IGFL2: variants seen among roughly 807,000 people sequenced by gnomAD.
IGFL2 encodes the protein IGF like family member 2.
IGFL2 carries 7 observed loss-of-function variants against 13.9 expected under a neutral mutation model. The ratio of observed to expected loss-of-function variants is 0.51; its 90% confidence interval spans 0.29 to 0.95. The LOEUF is 0.95. Ranked by LOEUF, IGFL2 falls within the 40% of genes least tolerant of loss-of-function variation. The pLI, the probability that IGFL2 is intolerant of heterozygous loss-of-function variation, is 0.08. For missense variants in IGFL2, 138 were observed against 147.8 expected (o/e 0.93, Z 0.34); for synonymous variants, 55 against 55.8 (o/e 0.99, Z 0.07).
intron 1 of IGFL2, among the ~76,000 whole-genome samples, chr19:46,154,751 T>C (rs1180162488): frequency 6.6e-6 from 1 of 152,108 alleles, no homozygotes; most frequent in Admixed American, 6.6e-5. Flanking sequence ...GCCCAGCTGG[T>C]CTTTTTGTTT....
At chr19:46,194,733 A>G in the IGFL2 span, among the ~76,000 whole-genome samples, 10 of 151,364 alleles carry the variant, frequency 6.6e-5, no homozygotes, top group African/African-American at 2.2e-4. Context: ...GAGGCAGGAG[A>G]ATCACTTGAA....
intron 1 of IGFL2, among the ~76,000 whole-genome samples, chr19:46,149,670 GT>G (rs1300637120): frequency 1.3e-5 from 2 of 151,700 alleles, no homozygotes; most frequent in East Asian, 3.9e-4. Flanking sequence ...TTAACTTAAT[GT>G]TTTCAAGGCA....
chr19:46,163,488 G>A, downstream of IGFL2, among the ~76,000 whole-genome samples: 1 of 152,160 alleles, frequency 6.6e-6, no homozygotes, highest in East Asian at 1.9e-4. Context: ...AGTGGGAGAG[G>A]GAGTATGGGA....
the IGFL2 span, chr19:46,203,674 C>T: frequency 6.6e-6 from 1 of 152,334 alleles, no homozygotes; most frequent in Admixed American, 6.5e-5. Context: ...CCAGTCCTCT[C>T]CCTCAGTGAC....
chr19:46,113,483 G>C, the IGFL2 span: 1 of 372,242 alleles, frequency 2.7e-6, no homozygotes, highest in South Asian at 2.2e-5. Flanking sequence ...TAAGCATTGT[G>C]GAAGCCATAA....
chr19:46,109,057 C>T, the IGFL2 span, among the ~76,000 whole-genome samples: 2 of 152,118 alleles, frequency 1.3e-5, no homozygotes, highest in African/African-American at 4.8e-5. Flanking sequence ...CGAAGGAGTC[C>T]CCCTCCCCCG....
chr19:46,187,015 A>AG, the IGFL2 span, among the ~76,000 whole-genome samples: 1 of 152,242 alleles, frequency 6.6e-6, no homozygotes, highest in Non-Finnish European at 1.5e-5. Flanking sequence ...GACATTAGAA[A>AG]GGGGGGTTTC....
At chr19:46,107,317 C>T in the IGFL2 span, among the ~76,000 whole-genome samples, 1 of 152,200 alleles carries the variant, frequency 6.6e-6, no homozygotes, top group Admixed American at 6.5e-5. Context: ...TCTTCAGCCA[C>T]TAAGCTGAGA....
the IGFL2 span, among the ~76,000 whole-genome samples, chr19:46,091,946 A>G: frequency 6.6e-6 from 1 of 152,242 alleles, no homozygotes; most frequent in East Asian, 1.9e-4. Context: ...TAAAATCTAT[A>G]AAAATGCAAT....
the IGFL2 span, among the ~76,000 whole-genome samples, chr19:46,128,188 T>G: frequency 0.014 from 2,202 of 152,296 alleles, 57 homozygotes; most frequent in African/African-American, 0.05. Context: ...CATTTGTACA[T>G]TGATTTTATA....
At chr19:46,143,896 C>T (rs1972981454), upstream of IGFL2, among the ~76,000 whole-genome samples, 1 of 152,194 alleles carries the variant, frequency 6.6e-6, no homozygotes, top group East Asian at 1.9e-4. Context: ...CAACACGTGG[C>T]CTCTGTTATT....
the IGFL2 span, among the ~76,000 whole-genome samples, chr19:46,175,723 T>C: frequency 2.6e-5 from 4 of 151,608 alleles, no homozygotes; most frequent in Non-Finnish European, 4.4e-5. Context: ...GTATTTTTAG[T>C]AGAGACGGGG....
chr19:46,097,768 A>C, the IGFL2 span, among the ~76,000 whole-genome samples: 2 of 152,208 alleles, frequency 1.3e-5, no homozygotes, highest in African/African-American at 4.8e-5. Flanking sequence ...TTGTTTACCC[A>C]GGAGTCATTC....
the IGFL2 span, among the ~76,000 whole-genome samples, chr19:46,080,614 ATCT>A: frequency 6.6e-6 from 1 of 152,214 alleles, no homozygotes; most frequent in Non-Finnish European, 1.5e-5. Flanking sequence ...AGAGGTTGAG[ATCT>A]TCTGATTCAG....
the IGFL2 span, among the ~76,000 whole-genome samples, chr19:46,172,158 G>A: frequency 1.8e-4 from 27 of 152,290 alleles, no homozygotes; most frequent in Middle Eastern, 3.4e-3. Context: ...TAACTGAATG[G>A]TTATATAGTC....
the IGFL2 span, among the ~76,000 whole-genome samples, chr19:46,169,406 G>A: frequency 6.6e-6 from 1 of 151,948 alleles, no homozygotes; most frequent in South Asian, 2.1e-4. Context: ...TAAAATAAAG[G>A]CCATACACTC....
chr19:46,180,937 G>GC, the IGFL2 span, among the ~76,000 whole-genome samples: 16 of 152,276 alleles, frequency 1.1e-4, no homozygotes, highest in Middle Eastern at 3.4e-3. Context: ...ATTGGATGGT[G>GC]CCCCCCCAGA....
downstream of IGFL2, chr19:46,161,380 G>A (rs1415518215): frequency 6.4e-6 from 2 of 311,074 alleles, no homozygotes; most frequent in East Asian, 1.0e-4. Flanking sequence ...TATTGCAATG[G>A]AGGAAAGAGA....
the IGFL2 span, among the ~76,000 whole-genome samples, chr19:46,170,046 A>G: frequency 2.0e-5 from 3 of 152,124 alleles, no homozygotes; most frequent in Non-Finnish European, 2.9e-5. Flanking sequence ...GTTTCTGAAC[A>G]TTCTGGGTGG....
Sources: gnomAD v4.1 joint callset for allele counts (sites outside exome capture counted in the v4.1 genomes callset) on GRCh38, gnomAD v4.1.1 for gene constraint, MANE v1.5 for transcripts, NCBI Gene and HGNC (gene_info 2026-07-23, HGNC 2026-07-21) for gene names.